The following DGKH variants were observed in gnomAD, a reference collection of about 807,000 sequenced individuals.
DGKH encodes diacylglycerol kinase eta.
DGKH carries 90 observed loss-of-function variants against 159.3 expected under a neutral mutation model. The ratio of observed to expected loss-of-function variants is 0.57; its 90% CI spans 0.48 to 0.67. DGKH has a LOEUF of 0.67. Ranked by LOEUF, DGKH falls within the 30% of genes least tolerant of loss-of-function variation. The pLI is 0.00. For synonymous variants in DGKH, 536 were observed against 553.8 expected, an observed-to-expected ratio of 0.97 and a Z score of 0.45; for missense variants, 1,181 against 1,506.1, an observed-to-expected ratio of 0.78 and a Z score of 3.57.
At chr13:42,228,472 T>C (rs61959370) in intron 29 of DGKH, among the ~76,000 whole-genome samples, 20,083 of 152,192 alleles carry the variant, frequency 0.13, 1,687 homozygotes, top group Admixed American at 0.23. Flanking sequence ...CAGATACTGG[T>C]ATCTTTCTCT....
At chr13:42,070,401 G>T (rs1168500322) in intron 1 of DGKH, 6 of 1,397,174 alleles carry the variant, frequency 4.3e-6, no homozygotes, top group Non-Finnish European at 6.1e-6. Context: ...CTGCAAAAAG[G>T]GTTTTACAAA....
chr13:42,071,046 CA>C, intron 1 of DGKH: 1 of 1,229,250 alleles, frequency 8.1e-7, no homozygotes, highest in South Asian at 1.4e-5. Context: ...ACGTAGAATC[CA>C]GATCAAAACC....
intron 1 of DGKH, among the ~76,000 whole-genome samples, chr13:42,064,593 G>T (rs1273873707): frequency 6.6e-6 from 1 of 152,048 alleles, no homozygotes; most frequent in Non-Finnish European, 1.5e-5. Flanking sequence ...GAGCAGCTGA[G>T]GTAGGAAGGA....
At chr13:42,228,883 G>T (rs1413428706) in intron 29 of DGKH, among the ~76,000 whole-genome samples, 1 of 151,852 alleles carries the variant, frequency 6.6e-6, no homozygotes, top group Non-Finnish European at 1.5e-5. Context: ...TTTGTTTTAT[G>T]AACTTATTTT....
chr13:42,120,384 A>G (rs1404261688), intron 1 of DGKH, among the ~76,000 whole-genome samples: 1 of 152,210 alleles, frequency 6.6e-6, no homozygotes, highest in Non-Finnish European at 1.5e-5. Flanking sequence ...TCAAAAATAA[A>G]ATTTTCAAAT....
chr13:42,225,688 G>A (rs866620069), intron 29 of DGKH, among the ~76,000 whole-genome samples: 37 of 151,124 alleles, frequency 2.4e-4, no homozygotes, highest in Middle Eastern at 3.4e-3. Context: ...CAGGAGGATC[G>A]CTTGAACCCA....
chr13:42,255,925 TC>T, intron 30 of DGKH: 2 of 1,594,690 alleles, frequency 1.3e-6, no homozygotes, highest in Non-Finnish European at 1.7e-6. Context: ...TTGTCACTGC[TC>T]CAAATAAATT....
At chr13:42,096,223 T>C (rs986343456) in intron 1 of DGKH, among the ~76,000 whole-genome samples, 1 of 151,956 alleles carries the variant, frequency 6.6e-6, no homozygotes, top group Non-Finnish European at 1.5e-5. Context: ...ACCCAACAGT[T>C]AATTTTTTAA....
At chr13:42,202,711 TC>T (rs1957376339) in intron 20 of DGKH, among the ~76,000 whole-genome samples, 1 of 152,234 alleles carries the variant, frequency 6.6e-6, no homozygotes, top group African/African-American at 2.4e-5. Flanking sequence ...AGATTTAGAA[TC>T]CTTTTTACAA....
chr13:42,207,123 C>CTCCTTCCT (rs377514975), intron 21 of DGKH, among the ~76,000 whole-genome samples: 10 of 52,308 alleles, frequency 1.9e-4, no homozygotes, highest in South Asian at 1.6e-3. Flanking sequence ...CTCTTTCTCT[C>CTCCTTCCT]TCCTTCCTTC....
intron 3 of DGKH, among the ~76,000 whole-genome samples, chr13:42,139,082 G>C (rs1310191560): frequency 6.6e-6 from 1 of 152,114 alleles, no homozygotes; most frequent in East Asian, 1.9e-4. Flanking sequence ...TCTTTTCCAA[G>C]ACTAACCCAG....
chr13:42,182,679 A>G (rs1956801724), intron 13 of DGKH, among the ~76,000 whole-genome samples: 1 of 152,154 alleles, frequency 6.6e-6, no homozygotes, highest in African/African-American at 2.4e-5. Flanking sequence ...TTTTCAGACC[A>G]TGGTTGGTTG....
chr13:42,156,228 A>G (rs1956040864), intron 5 of DGKH, among the ~76,000 whole-genome samples: 1 of 152,130 alleles, frequency 6.6e-6, no homozygotes, highest in African/African-American at 2.4e-5. Flanking sequence ...TTCTAAAAAT[A>G]AGGCCTATGC....
intron 29 of DGKH, among the ~76,000 whole-genome samples, chr13:42,248,242 T>G (rs1038095910): frequency 2.0e-5 from 3 of 151,968 alleles, no homozygotes; most frequent in South Asian, 4.1e-4. Context: ...GCCAACATAG[T>G]GAAACCCTGT....
chr13:42,051,366 C>T (rs910780557), intron 1 of DGKH, among the ~76,000 whole-genome samples: 4 of 152,146 alleles, frequency 2.6e-5, no homozygotes, highest in African/African-American at 7.2e-5. Flanking sequence ...CCTCATACCC[C>T]GCCTCCTGCA....
chr13:42,088,532 C>T (rs981299094), intron 1 of DGKH, among the ~76,000 whole-genome samples: 2 of 151,356 alleles, frequency 1.3e-5, no homozygotes, highest in Admixed American at 1.3e-4. Context: ...ATACTGTAAC[C>T]GAAGAGAAAA....
At chr13:42,114,143 A>G (rs1485996415) in intron 1 of DGKH, among the ~76,000 whole-genome samples, 1 of 152,184 alleles carries the variant, frequency 6.6e-6, no homozygotes, top group East Asian at 1.9e-4. Flanking sequence ...ATGAAATGGT[A>G]GTGGATAAAA....
chr13:42,187,443 C>G (rs1174372121), intron 14 of DGKH, among the ~76,000 whole-genome samples: 1 of 152,142 alleles, frequency 6.6e-6, no homozygotes, highest in African/African-American at 2.4e-5. Flanking sequence ...GTGATGCTCT[C>G]TCTACTCACT....
rs550258036 is a variant in DGKH at position 42,128,765 on chromosome 13, C to T, written c.304-787C>T. Among the ~76,000 whole-genome samples, 18 of 152,292 alleles carry T rather than the reference C, an allele frequency of 1.2e-4. No individual in the cohort carries two copies. In the South Asian group the frequency reaches 3.7e-3, roughly 32 times the overall value. On this transcript the variant is annotated intron_variant, in intron 2 of 29. Coordinates refer to ENST00000337343, the MANE Select transcript of DGKH (RefSeq NM_178009.5). ...AGTTGTGTCTATTTAATCTCCTGTG[C>T]TAGACTGTAGGTTCCTTCCAGTCAA...
Sources: gnomAD v4.1 joint callset for allele counts (sites outside exome capture counted in the v4.1 genomes callset) on GRCh38, gnomAD v4.1.1 for gene constraint, MANE v1.5 for transcripts, NCBI Gene and HGNC (gene_info 2026-07-23, HGNC 2026-07-21) for gene names.